Variants in CASP2 observed in about 807,000 individuals in gnomAD.
The protein encoded by CASP2 is caspase 2.
A neutral mutation model predicts 54.4 loss-of-function variants in CASP2; 38 were observed. The observed-to-expected ratio is 0.70, with a 90% CI of 0.54 to 0.92. The LOEUF is 0.92. CASP2 is among the 40% of genes least tolerant of loss of function. The pLI, the probability that CASP2 is intolerant of heterozygous loss-of-function variation, is 0.00. For synonymous variants in CASP2, 215 were observed against 216.3 expected (o/e 0.99, Z 0.05); for missense variants, 512 against 579.6 (o/e 0.88, Z 1.20).
At chr7:143,289,673 C>T (rs1207422943) in intron 1 of CASP2, 4 of 920,494 alleles carry the variant, frequency 4.3e-6, no homozygotes, top group Non-Finnish European at 5.2e-6. Flanking sequence ...ATCCCAGCTG[C>T]AGTGTTATAT....
intron 4 of CASP2, among the ~76,000 whole-genome samples, chr7:143,293,513 T>G (rs370344958): frequency 7.0e-6 from 1 of 142,496 alleles, no homozygotes; most frequent in African/African-American, 2.7e-5. Flanking sequence ...TGGTTTTTTG[T>G]TTTTTTTTTT....
intron 6 of CASP2, among the ~76,000 whole-genome samples, chr7:143,295,789 G>C (rs1040779751): frequency 1.3e-5 from 2 of 152,178 alleles, no homozygotes; most frequent in Non-Finnish European, 2.9e-5. Flanking sequence ...ATTTTTGCCA[G>C]CTTCCCCCTT....
chr7:143,288,615 C>T, intron 1 of CASP2, 86 bp downstream of exon 1: 1 of 1,197,510 alleles, frequency 8.4e-7, no homozygotes, highest in Non-Finnish European at 1.2e-6. Context: ...GCAGCCCCCT[C>T]CCCTCGGAGC....
intron 9 of CASP2, 71 bp from the exon 10 acceptor site, chr7:143,304,603 G>T: frequency 1.8e-6 from 2 of 1,113,706 alleles, no homozygotes; most frequent in Non-Finnish European, 1.4e-6. Context: ...AGGTGTCATG[G>T]CCGAGTCTAG....
At position 143,300,523 on chromosome 7, in the gene CASP2, A is replaced by G. The variant is rs1801884975; in HGVS notation, c.967+229A>G. Reference sequence around the variant, plus strand: ...GCTGGTCAGCTCTCCGTGCACCACCATATCCTGTTTTCAGGTCTCTTATCC... The same window carrying G: ...GCTGGTCAGCTCTCCGTGCACCACCGTATCCTGTTTTCAGGTCTCTTATCC... On this transcript the variant is annotated intron_variant, in intron 8 of 10. Transcript: ENST00000310447. The G allele has an allele frequency of 2.0e-5, 31 of 1,568,282 alleles. No homozygotes were observed. The South Asian group carries it at 3.4e-4, about 17-fold the overall frequency.
At chr7:143,288,604 T>C in intron 1 of CASP2, 75 bp downstream of exon 1, 1 of 1,313,366 alleles carries the variant, frequency 7.6e-7, no homozygotes, top group African/African-American at 1.5e-5. Flanking sequence ...CGTGCGGCCC[T>C]GCAGCCCCCT....
chr7:143,296,075 ATC>A (rs1481665635), intron 6 of CASP2, among the ~76,000 whole-genome samples: 4 of 152,170 alleles, frequency 2.6e-5, no homozygotes, highest in African/African-American at 4.8e-5. Context: ...CTGATAAAGG[ATC>A]TTACATGTCT....
chr7:143,304,939 G>T lies in CASP2; in HGVS notation c.1228-1G>T, dbSNP rs777147138. ...TGGGCCTATTGGTTCTGCCCCTCCA[G>T]GTGAACGCACTTATCAAGGATCGGG... On this transcript the variant is annotated splice_acceptor_variant, in intron 10 of 10. Coordinates refer to ENST00000310447, the MANE Select transcript of CASP2 (RefSeq NM_032982.4). LOFTEE classifies it high-confidence loss of function. 6.2e-7 allele frequency: 1 copy of T among 1,614,074 alleles called. No individual in the cohort carries two copies. Among genetic ancestry groups the T allele is most frequent in the Non-Finnish European group, 8.5e-7 (1 of 1,180,050 alleles).
In CASP2 at chr7:143,291,553, T is replaced by C. The variant is rs772724061; in HGVS notation, c.88T>C (p.Cys30Arg). 1 of 1,614,122 alleles carries C rather than the reference T, an allele frequency of 6.2e-7. No homozygotes were observed. Among genetic ancestry groups the C allele is most frequent in the Admixed American group, 1.7e-5 (1 of 60,014 alleles). The change falls in exon 2 of 11, where the codon TGT becomes CGT. Residue 30 changes from cysteine to arginine, a missense_variant. By Grantham distance (180) the Cys-to-Arg change is radical (BLOSUM62 -3). Coordinates refer to ENST00000310447, the MANE Select transcript of CASP2 (RefSeq NM_032982.4). ...GTTTATCTGTAGGATATTGGGAGTG[T>C]GTGGCATGCATCCTCATCATCAGGA... ...ADRGRRILGV[C>R]GMHPHHQETL...
At chr7:143,300,676 T>A (rs1801890990) in intron 8 of CASP2, 8 of 1,222,268 alleles carry the variant, frequency 6.5e-6, no homozygotes, top group Non-Finnish European at 8.3e-6. Context: ...CTTCTTATTT[T>A]ATCTCCTTTC....
At chr7:143,302,466 T>C (rs966758674) in intron 8 of CASP2, 3 of 152,226 alleles carry the variant, frequency 2.0e-5, no homozygotes, top group Non-Finnish European at 4.4e-5. Flanking sequence ...ATAATTAATG[T>C]CTAGAAAAAG....
At chr7:143,301,649 T>C (rs1801920341) in intron 8 of CASP2, 1 of 152,152 alleles carries the variant, frequency 6.6e-6, no homozygotes, top group African/African-American at 2.4e-5. Flanking sequence ...TACATAGTTA[T>C]AGAGTAGTAT....
chr7:143,293,951 C>T (rs1461248954), intron 4 of CASP2, among the ~76,000 whole-genome samples: 1 of 152,224 alleles, frequency 6.6e-6, no homozygotes, highest in Non-Finnish European at 1.5e-5. Context: ...CACCAGCCTG[C>T]TGATGGAGCA....
At chr7:143,289,830 G>A (rs1385768706) in intron 1 of CASP2, among the ~76,000 whole-genome samples, 1 of 152,128 alleles carries the variant, frequency 6.6e-6, no homozygotes, top group African/African-American at 2.4e-5. Context: ...AAAAAATGGA[G>A]TTTCAGACTC....
chr7:143,304,174 A>G (rs1025591610), intron 9 of CASP2, among the ~76,000 whole-genome samples: 4 of 152,182 alleles, frequency 2.6e-5, no homozygotes, highest in Non-Finnish European at 4.4e-5. Flanking sequence ...TTTGAGCATC[A>G]TATTGGCACT....
At chr7:143,303,718 TGTGACAGGCCCAA>T in intron 8 of CASP2, 53 bp from the exon 9 acceptor site, 3 of 1,501,988 alleles carry the variant, frequency 2.0e-6, no homozygotes, top group Non-Finnish European at 2.8e-6. Flanking sequence ...TGGGCTTGCC[TGTGACAGGCCCAA>T]GAGAGATAGG....
intron 8 of CASP2, chr7:143,301,098 G>C: frequency 5.0e-6 from 1 of 201,468 alleles, no homozygotes; most frequent in Non-Finnish European, 9.1e-6. Flanking sequence ...ACTTCATAAG[G>C]TGCTTGTGAT....
intron 8 of CASP2, 133 bp downstream of exon 8, chr7:143,300,427 G>A (rs1467923426): frequency 3.1e-6 from 5 of 1,597,368 alleles, no homozygotes; most frequent in African/African-American, 1.3e-5. Flanking sequence ...TGCTGCCACC[G>A]CCTCTCTTGC....
Position 143,292,314 on chromosome 7 carries a change from T to G in CASP2, c.240T>G (p.Ser80Arg). ...MRELIQAKVGSFSQNVELLNL... is the reference protein window; with the variant it reads ...MRELIQAKVGRFSQNVELLNL... ...TTGTGTCTTAGGCCAAAGTGGGCAGTTTCAGCCAGAATGTGGAACTCCTCA... is the reference window on the plus strand; with the variant it reads ...TTGTGTCTTAGGCCAAAGTGGGCAGGTTCAGCCAGAATGTGGAACTCCTCA... Residue 80 changes from serine to arginine, a missense_variant, in exon 3 of 11, where the codon AGT (serine) becomes AGG (arginine). Ser to Arg is a moderately radical substitution (Grantham distance 110). Coordinates refer to ENST00000310447, the MANE Select transcript of CASP2 (RefSeq NM_032982.4). 1.2e-6 allele frequency: 2 copies of G among 1,614,146 alleles called. No individual in the cohort carries two copies. The highest frequency in any genetic ancestry group is 1.7e-6 in the Non-Finnish European group (2 of 1,180,008).
Sources: gnomAD v4.1 joint callset for allele counts (sites outside exome capture counted in the v4.1 genomes callset) on GRCh38, gnomAD v4.1.1 for gene constraint, MANE v1.5 for transcripts, NCBI Gene and HGNC (gene_info 2026-07-23, HGNC 2026-07-21) for gene names.